The following CD34 variants were observed in gnomAD, a reference collection of about 807,000 sequenced individuals.
The protein encoded by CD34 is CD34 molecule, also known as hematopoietic progenitor cell antigen CD34.
A neutral mutation model predicts 40.1 loss-of-function variants in CD34; 34 were observed. The observed-to-expected ratio is 0.85, with a 90% CI of 0.65 to 1.13. The LOEUF is 1.13. Ranked by LOEUF, CD34 falls within the 50% of genes most tolerant of loss-of-function variation. The pLI, the probability that CD34 is intolerant of heterozygous loss-of-function variation, is 0.00. For synonymous variants in CD34, 209 were observed against 190.0 expected (o/e 1.10, Z -0.82); for missense variants, 426 against 466.9 (o/e 0.91, Z 0.81).
At chr1:207,910,715 C>T (rs1271729517) in intron 1 of CD34, among the ~76,000 whole-genome samples, 1 of 152,220 alleles carries the variant, frequency 6.6e-6, no homozygotes, top group Non-Finnish European at 1.5e-5. Context: ...GAGACCCTGG[C>T]ATCTCCAAAG....
intron 1 of CD34, among the ~76,000 whole-genome samples, chr1:207,909,748 A>C (rs1265909265): frequency 6.6e-6 from 1 of 152,172 alleles, no homozygotes; most frequent in Non-Finnish European, 1.5e-5. Flanking sequence ...CACCCACTCT[A>C]GAATTTTGAA....
intron 3 of CD34, among the ~76,000 whole-genome samples, chr1:207,898,314 G>T (rs188025496): frequency 6.6e-6 from 1 of 152,208 alleles, no homozygotes; most frequent in Non-Finnish European, 1.5e-5. Context: ...CAAAGTGTTG[G>T]GATTACAGGC....
intron 1 of CD34, among the ~76,000 whole-genome samples, chr1:207,909,393 TTTG>T (rs1300811560): frequency 6.6e-6 from 1 of 151,968 alleles, no homozygotes; most frequent in Non-Finnish European, 1.5e-5. Flanking sequence ...CCCCTGTTTT[TTTG>T]TTTTTTGTTT....
rs764888144 is a variant in CD34 at position 207,889,257 on chromosome 1, C to T, written c.755-44G>A. Reference sequence around the variant, plus strand: ...GTTGCTAAATCTAAAGAGAAACCAGCTTATCCTGCTCCACCCTCCCATGCT... The same window carrying T: ...GTTGCTAAATCTAAAGAGAAACCAGTTTATCCTGCTCCACCCTCCCATGCT... On this transcript the variant is annotated intron_variant, in intron 5 of 7. Coordinates refer to ENST00000310833, the MANE Select transcript of CD34 (RefSeq NM_001025109.2). The T allele has an allele frequency of 8.1e-6, 13 of 1,613,672 alleles. No individual in the cohort carries two copies. The South Asian group carries it at 1.3e-4, about 16-fold the overall frequency.
intron 1 of CD34, among the ~76,000 whole-genome samples, chr1:207,909,882 A>G (rs1662466081): frequency 6.6e-6 from 1 of 152,192 alleles, no homozygotes; most frequent in Admixed American, 6.5e-5. Context: ...GGCGGACCCA[A>G]AGATGGACAA....
intron 4 of CD34, among the ~76,000 whole-genome samples, chr1:207,893,044 G>A (rs1281405253): frequency 2.6e-5 from 4 of 152,064 alleles, no homozygotes; most frequent in Non-Finnish European, 4.4e-5. Flanking sequence ...ATGCTTCTCC[G>A]GACACTTGGA....
intron 1 of CD34, among the ~76,000 whole-genome samples, chr1:207,906,148 C>G (rs1394681087): frequency 6.6e-6 from 1 of 151,980 alleles, no homozygotes; most frequent in African/African-American, 2.4e-5. Context: ...CTAGTGGGGC[C>G]CACTAGAAAC....
chr1:207,907,723 C>G (rs1478519383), intron 1 of CD34, among the ~76,000 whole-genome samples: 1 of 152,198 alleles, frequency 6.6e-6, no homozygotes, highest in Non-Finnish European at 1.5e-5. Context: ...ATGCACGCAT[C>G]TTTCTCCTTA....
At position 207,900,583 on chromosome 1, in the gene CD34, T is replaced by C. The variant is rs1381990742; in HGVS notation, c.80-580A>G. 4.6e-5 allele frequency among the ~76,000 whole-genome samples: 7 copies of C among 152,184 alleles called. 1 individual carries two copies. Among genetic ancestry groups the C allele is most frequent in the Non-Finnish European group, 1.0e-4 (7 of 68,022 alleles). ...TGTCTCTATGCGATCCCCTTAAAAA[T>C]CTATACTTCTCAGACTTCCCATTCC... On this transcript the variant is annotated intron_variant, in intron 1 of 7. Coordinates refer to ENST00000310833, the MANE Select transcript of CD34 (RefSeq NM_001025109.2).
At position 207,882,181 on chromosome 1, in the gene CD34, A is replaced by T. The variant is rs1191835812; in HGVS notation, c.*5557T>A. On this transcript the variant is annotated 3_prime_UTR_variant, in exon 8 of 8. Transcript: ENST00000310833. ...CCGATATGTAGAGAGAAGAAGGCAGAATTGGGAGGGACTTTTGGACTCAAG... is the reference window on the plus strand; with the variant it reads ...CCGATATGTAGAGAGAAGAAGGCAGTATTGGGAGGGACTTTTGGACTCAAG... 6.6e-6 allele frequency: 1 copy of T among 152,244 alleles called. No homozygotes were observed. The highest frequency in any genetic ancestry group is 6.5e-5 in the Admixed American group (1 of 15,276). The allele number at this position is 152,244 out of a possible 1,614,324, so 9.4% of individuals were successfully genotyped here.
At position 207,885,596 on chromosome 1, in the gene CD34, G is replaced by A. The variant is rs933460431; in HGVS notation, c.*2142C>T. Reference sequence around the variant, plus strand: ...CACTGGATTACTCTCAAGGCAAGATGTGCAACTAGATGCAAGTGGGCTGGA... The same window carrying A: ...CACTGGATTACTCTCAAGGCAAGATATGCAACTAGATGCAAGTGGGCTGGA... On this transcript the variant is annotated 3_prime_UTR_variant, in exon 8 of 8. Transcript: ENST00000310833. The A allele has an allele frequency of 6.6e-6, 1 of 151,806 alleles. No homozygotes were observed. The allele number at this position is 151,806 out of a possible 1,614,324, so 9.4% of individuals were successfully genotyped here. A position where few individuals can be genotyped will look rare whatever the true frequency, so the allele number is the denominator to read the frequency against.
Position 207,886,522 on chromosome 1 carries a change from A to T in CD34, c.*1216T>A, listed in dbSNP as rs1661897388. On this transcript the variant is annotated 3_prime_UTR_variant, in exon 8 of 8. Transcript: ENST00000310833. ...GCATGCAGACACACCCAGCTAAGAC[A>T]GAGTCACATAACAGATGTGTTTCAG... The T allele has an allele frequency of 6.6e-6, 1 of 152,474 alleles. No individual in the cohort carries two copies. Among genetic ancestry groups the T allele is most frequent in the Non-Finnish European group, 1.5e-5 (1 of 68,066 alleles). 9.4% of individuals were successfully genotyped at this position (152,474 alleles called of 1,614,324 possible).
rs1661815109 is a variant in CD34, at chr1:207,881,709, A to G, written c.*6029T>C. On this transcript the variant is annotated 3_prime_UTR_variant, in exon 8 of 8. Transcript: ENST00000310833. ...TCAGCATTCTTCTCTTCAGCCAGAT[A>G]TTAGAGAGATTTACCAAAGTCTAAA... is the stretch of plus-strand genomic sequence containing the variant. 2.0e-5 allele frequency: 3 copies of G among 151,720 alleles called. No individual in the cohort carries two copies. The highest frequency in any genetic ancestry group is 4.4e-5 in the Non-Finnish European group (3 of 67,942). 9.4% of individuals were successfully genotyped at this position (151,720 alleles called of 1,614,324 possible). A position where few individuals can be genotyped will look rare whatever the true frequency, so the allele number is the denominator to read the frequency against.
rs1367570406 is a variant in CD34, at chr1:207,881,108, T to C, written c.*6630A>G. ...TCATTTGCACTAGCCACATTACAAG[T>C]GCTCAGCAGCCACATGTACTTAGAT... On this transcript the variant is annotated 3_prime_UTR_variant, in exon 8 of 8. Coordinates refer to ENST00000310833, the MANE Select transcript of CD34 (RefSeq NM_001025109.2). 3 of 152,212 alleles carry C rather than the reference T, an allele frequency of 2.0e-5. No individual in the cohort carries two copies. The allele number at this position is 152,212 out of a possible 1,614,324, so 9.4% of individuals were successfully genotyped here. A position where few individuals can be genotyped will look rare whatever the true frequency, so the allele number is the denominator to read the frequency against.
rs2102301908 is a variant in CD34, at chr1:207,899,123, G to T, written c.366C>A (p.Thr122=). The T allele has an allele frequency of 6.2e-7, 1 of 1,614,222 alleles. No individual in the cohort carries two copies. Among genetic ancestry groups the T allele is most frequent in the Non-Finnish European group, 8.5e-7 (1 of 1,180,036 alleles). ...CTGGAGTTGAAACGTTGGCTGGGGT[G>T]GTGAACACTGTGCTGATTACAGAGG... The part of the protein sequence containing the change: ...SQTSVISTVF[T]TPANVSTPET... The change falls in exon 3 of 8, where the codon ACC becomes ACA. Residue 122 remains threonine, a synonymous_variant. Transcript: ENST00000310833.
At chr1:207,909,247 A>T (rs1380528334) in intron 1 of CD34, among the ~76,000 whole-genome samples, 1 of 152,146 alleles carries the variant, frequency 6.6e-6, no homozygotes, top group Non-Finnish European at 1.5e-5. Flanking sequence ...CGGCAGGCCA[A>T]GGCGAGACTG....
At chr1:207,888,250 A>G (rs1661951328) in intron 7 of CD34, 1 of 901,832 alleles carries the variant, frequency 1.1e-6, no homozygotes, top group Non-Finnish European at 1.8e-6. Context: ...GCCAGAGGCC[A>G]AGATTCAGAC....
chr1:207,899,144 A>G lies in CD34; in HGVS notation c.345T>C (p.Ser115=). 2 of 1,614,236 alleles carry G rather than the reference A, an allele frequency of 1.2e-6. No individual in the cohort carries two copies. Among genetic ancestry groups the G allele is most frequent in the South Asian group, 2.2e-5 (2 of 91,092 alleles). Residue 115 remains serine, a synonymous_variant, in exon 3 of 8, where the codon TCT becomes TCC. Coordinates refer to ENST00000310833, the MANE Select transcript of CD34 (RefSeq NM_001025109.2). ...NTNSSVQSQT[S]VISTVFTTPA... is the part of the protein sequence containing the mutation. ...GGGTGGTGAACACTGTGCTGATTAC[A>G]GAGGTCTGTGACTGGACAGAAGAGT...
At position 207,899,055 on chromosome 1, in the gene CD34, T is replaced by G; in HGVS notation, c.434A>C (p.Asp145Ala). The G allele has an allele frequency of 6.2e-7, 1 of 1,614,206 alleles. No homozygotes were observed. Among genetic ancestry groups the G allele is most frequent in the Non-Finnish European group, 8.5e-7 (1 of 1,180,018 alleles). ...KPSLSPGNVS[D>A]LSTTSTSLAT... ...AAGGCTAGTGCTAGTGGTTGAAAGGTCTGAAACATTTCCAGGTGACAGGCT... is the reference window on the plus strand; with the variant it reads ...AAGGCTAGTGCTAGTGGTTGAAAGGGCTGAAACATTTCCAGGTGACAGGCT... Residue 145 changes from aspartate (D) to alanine (A), a missense_variant, in exon 3 of 8, where the codon GAC (aspartate) becomes GCC (alanine). Asp to Ala is a moderately radical substitution (Grantham distance 126). Coordinates refer to ENST00000310833, the MANE Select transcript of CD34 (RefSeq NM_001025109.2).
Sources: allele counts gnomAD v4.1 joint callset (sites outside exome capture counted in the v4.1 genomes callset), GRCh38; gene constraint gnomAD v4.1.1; transcripts MANE v1.5; gene names NCBI Gene and HGNC (gene_info 2026-07-23, HGNC 2026-07-21).